Variants in ITPR3 observed in about 807,000 individuals in gnomAD.
ITPR3 encodes the protein inositol 1,4,5-trisphosphate-gated calcium channel ITPR3.
ITPR3 carries 173 observed loss-of-function variants against 293.2 expected under a neutral mutation model. That is an observed-to-expected ratio of 0.59 (90% CI 0.52 to 0.67). The LOEUF is 0.67. ITPR3 is among the 30% of genes least tolerant of loss of function. ITPR3 has a pLI of 0.00. For synonymous variants in ITPR3, 1,295 were observed against 1,444.4 expected (o/e 0.90, Z 2.35); for missense variants, 2,796 against 3,592.1 (o/e 0.78, Z 5.66).
rs750822024 is a variant in ITPR3, at chr6:33,688,249, A to C, written c.6386A>C (p.Gln2129Pro). The change falls in exon 48 of 58, where the codon CAG becomes CCG. Residue 2129 changes from glutamine to proline, a missense_variant. Around this residue, in one of 8 missense-constraint regions of ITPR3, gnomAD observed 568 missense variants for 796.1 expected, o/e 0.71. Coordinates refer to ENST00000605930, the MANE Select transcript of ITPR3 (RefSeq NM_002224.4). ...GCTGTGTGTGCTCAGATTGTGCGGCAGGACCGCAGCATGGAGCAGATCGTG... is the reference window on the plus strand; with the variant it reads ...GCTGTGTGTGCTCAGATTGTGCGGCCGGACCGCAGCATGGAGCAGATCGTG... The part of the protein sequence containing the change: ...NHTSQIEIVR[Q>P]DRSMEQIVFP... The C allele has an allele frequency of 6.2e-7, 1 of 1,614,190 alleles. No individual in the cohort carries two copies. The highest frequency in any genetic ancestry group is 1.1e-5 in the South Asian group (1 of 91,084).
At chr6:33,636,663 C>T (rs897657364) in intron 1 of ITPR3, among the ~76,000 whole-genome samples, 1 of 151,728 alleles carries the variant, frequency 6.6e-6, no homozygotes, top group Non-Finnish European at 1.5e-5. Context: ...AGGCCAGGAG[C>T]TCAGCTTGCA....
At position 33,683,308 on chromosome 6, in the gene ITPR3, T is replaced by C; in HGVS notation, c.4699T>C (p.Ser1567Pro). Residue 1567 changes from serine (S) to proline (P), a missense_variant, in exon 35 of 58, where the codon TCC (serine) becomes CCC (proline). Physicochemically the swap from Ser to Pro is moderately conservative, Grantham distance 74. Transcript: ENST00000605930. This position sits in a 1 kb window ranked among gnomAD's most constrained non-coding sequence, Gnocchi z 4.5. ...TGCAGCTGCCGCCCAGCGGAACGCC[T>C]CCAGCTACAAGGCAACCACGCGGGC... is the stretch of plus-strand genomic sequence containing the variant. ...SCAAAAQRNA[S>P]SYKATTRAFP... 6.3e-7 allele frequency: 1 copy of C among 1,587,546 alleles called. No individual in the cohort carries two copies. The highest frequency in any genetic ancestry group is 8.6e-7 in the Non-Finnish European group (1 of 1,167,558).
rs1582126022 is a variant in ITPR3, at chr6:33,658,147, G to A, written c.369+129G>A. On this transcript the variant is annotated intron_variant, in intron 4 of 57. Transcript: ENST00000605930. This position sits in a 1 kb window ranked among gnomAD's most constrained non-coding sequence, Gnocchi z 6.1. ...TGTCCCCGGGTGAATGAGTGGCCCTGGGGCCACCTGTGTGGCTGTGCGTCT... is the reference window on the plus strand; with the variant it reads ...TGTCCCCGGGTGAATGAGTGGCCCTAGGGCCACCTGTGTGGCTGTGCGTCT... 1.3e-6 allele frequency: 1 copy of A among 756,772 alleles called. No individual in the cohort carries two copies. Among genetic ancestry groups the A allele is most frequent in the Non-Finnish European group, 2.3e-6 (1 of 438,266 alleles). 46.9% of individuals were successfully genotyped at this position (756,772 alleles called of 1,614,324 possible).
In ITPR3 at chr6:33,668,432, T is replaced by TGGGGAA. The variant is rs1764670777; in HGVS notation, c.1887-73_1887-68dup. The TGGGGAA allele has an allele frequency of 2.5e-6, 4 of 1,578,844 alleles. No homozygotes were observed. In the East Asian group the frequency reaches 9.0e-5, roughly 36 times the overall value. The stretch of plus-strand genomic sequence containing the variant: ...GTTCCAGGGTGGCGGTGCTGCCAGC[T>TGGGGAA]GGGGAAGGGGAAGGGTGGGCTCTGT... On this transcript the variant is annotated intron_variant, in intron 16 of 57. Coordinates refer to ENST00000605930, the MANE Select transcript of ITPR3 (RefSeq NM_002224.4).
At position 33,676,867 on chromosome 6, in the gene ITPR3, G is replaced by A. The variant is rs759023825; in HGVS notation, c.3382G>A (p.Val1128Met). ...RTMVEKSELW[V>M]DKKGSGKGEE... ...CATGGTGGAGAAGTCAGAGCTGTGGGTGGACAAGAAGGGCAGTGGCAAGGG... is the reference window on the plus strand; with the variant it reads ...CATGGTGGAGAAGTCAGAGCTGTGGATGGACAAGAAGGGCAGTGGCAAGGG... Residue 1128 changes from valine (V) to methionine (M), a missense_variant, in exon 26 of 58, where the codon GTG becomes ATG. Val to Met is a conservative substitution (Grantham distance 21). This residue lies in a region of ITPR3 where 6 missense variants were observed against 24.4 expected (regional missense o/e 0.25). Coordinates refer to ENST00000605930, the MANE Select transcript of ITPR3 (RefSeq NM_002224.4). 20 of 1,614,018 alleles carry A rather than the reference G, an allele frequency of 1.2e-5. No homozygotes were observed. Among genetic ancestry groups the A allele is most frequent in the Middle Eastern group, 1.6e-4 (1 of 6,084 alleles).
chr6:33,673,357 A>G (rs1295653392), intron 22 of ITPR3, among the ~76,000 whole-genome samples: 1 of 152,134 alleles, frequency 6.6e-6, no homozygotes, highest in East Asian at 1.9e-4. Context: ...CTCATACTCC[A>G]TCACTGGGGC....
rs1763430713 is a variant in ITPR3, at chr6:33,621,371, G to A, written c.-232G>A. On this transcript the variant is annotated 5_prime_UTR_variant, in exon 1 of 58. Transcript: ENST00000605930. The surrounding 1 kb of genome is among the most constrained non-coding windows in gnomAD (Gnocchi z 7.7). Reference sequence around the variant, plus strand: ...CAGGTACGCGCGGGCCGGGCGGGGCGGGCGGGCGGCGGGCGCGCCAAGACG... The same window carrying A: ...CAGGTACGCGCGGGCCGGGCGGGGCAGGCGGGCGGCGGGCGCGCCAAGACG... The A allele has an allele frequency of 3.2e-5, 8 of 252,594 alleles. No individual in the cohort carries two copies. In the South Asian group the frequency reaches 1.2e-3, roughly 39 times the overall value. The allele number at this position is 252,594 out of a possible 1,614,324, so 15.6% of individuals were successfully genotyped here. A position where few individuals can be genotyped will look rare whatever the true frequency, so the allele number is the denominator to read the frequency against.
At chr6:33,680,265 T>C in intron 31 of ITPR3, 64 bp from the exon 32 acceptor site, 2 of 1,578,558 alleles carry the variant, frequency 1.3e-6, no homozygotes, top group Middle Eastern at 1.8e-4. Context: ...ACAGGAGCAT[T>C]GTGGCAGGGA....
chr6:33,654,972 C>T lies in ITPR3; in HGVS notation c.161-794C>T, dbSNP rs920899841. On this transcript the variant is annotated intron_variant, in intron 2 of 57. Coordinates refer to ENST00000605930, the MANE Select transcript of ITPR3 (RefSeq NM_002224.4). The surrounding 1 kb of genome is among the most constrained non-coding windows in gnomAD (Gnocchi z 4.1). ...CCTTTGGATAAGCAGAAAAATTGGACACCCTTCCTGCAGCTTAGGCTTATG... is the reference window on the plus strand; with the variant it reads ...CCTTTGGATAAGCAGAAAAATTGGATACCCTTCCTGCAGCTTAGGCTTATG... Among the ~76,000 whole-genome samples, 1 of 152,248 alleles carries T rather than the reference C, an allele frequency of 6.6e-6. No homozygotes were observed. The highest frequency in any genetic ancestry group is 2.4e-5 in the African/African-American group (1 of 41,466).
At chr6:33,662,773 C>T in intron 8 of ITPR3, 99 bp downstream of exon 8, 1 of 1,506,142 alleles carries the variant, frequency 6.6e-7, no homozygotes, top group Admixed American at 1.9e-5. Flanking sequence ...ACCCCTACCT[C>T]CCTCTGAGTC....
chr6:33,664,353 G>A lies in ITPR3; in HGVS notation c.1148+473G>A, dbSNP rs1357726224. Among the ~76,000 whole-genome samples, 2 of 152,128 alleles carry A rather than the reference G, an allele frequency of 1.3e-5. No homozygotes were observed. Among genetic ancestry groups the A allele is most frequent in the Non-Finnish European group, 2.9e-5 (2 of 68,024 alleles). Reference sequence around the variant, plus strand: ...GAACATCAAGTTTCCCTGTCAACAGGGCTAATGGGAGAGTTAATTGAGTCA... The same window carrying A: ...GAACATCAAGTTTCCCTGTCAACAGAGCTAATGGGAGAGTTAATTGAGTCA... On this transcript the variant is annotated intron_variant, in intron 11 of 57. Coordinates refer to ENST00000605930, the MANE Select transcript of ITPR3 (RefSeq NM_002224.4). This position sits in a 1 kb window ranked among gnomAD's most constrained non-coding sequence, Gnocchi z 4.4.
At position 33,659,027 on chromosome 6, in the gene ITPR3, G is replaced by A. The variant is rs768423149; in HGVS notation, c.535G>A (p.Val179Met). 1.2e-5 allele frequency: 19 copies of A among 1,614,002 alleles called. No homozygotes were observed. Among genetic ancestry groups the A allele is most frequent in the Admixed American group, 1.2e-4 (7 of 59,996 alleles). Residue 179 changes from valine to methionine, a missense_variant, in exon 6 of 58, where the codon GTG becomes ATG. Physicochemically the swap from Val to Met is conservative, Grantham distance 21. This residue lies in a region of ITPR3 where 144 missense variants were observed against 230.8 expected (regional missense o/e 0.62). Transcript: ENST00000605930. ...KLRSNGDNVV[V>M]GDKVILNPVN... ...GTCCCACCTGTCTGCTCAGGTGGTC[G>A]TGGGGGACAAGGTGATCCTGAATCC...
intron 33 of ITPR3, 38 bp downstream of exon 33, chr6:33,680,718 G>C: frequency 1.3e-6 from 2 of 1,586,272 alleles, no homozygotes; most frequent in African/African-American, 1.3e-5. Flanking sequence ...GGGCCGACTT[G>C]CCTAGCTTTT....
At chr6:33,659,658 C>T in intron 7 of ITPR3, 109 bp downstream of exon 7, 3 of 872,204 alleles carry the variant, frequency 3.4e-6, no homozygotes, top group Non-Finnish European at 5.6e-6. Flanking sequence ...ACCCTCTCCC[C>T]AGCTTTGCAC....
In ITPR3 at chr6:33,633,901, C is replaced by G. The variant is rs1038243097; in HGVS notation, c.90-6583C>G. ...GCCAGACCTACGCTCTCCGGAGCCG[C>G]GCGGACCCAGAACCGCTCCCACCAC... is the stretch of plus-strand genomic sequence containing the variant. On this transcript the variant is annotated intron_variant, in intron 1 of 57. Coordinates refer to ENST00000605930, the MANE Select transcript of ITPR3 (RefSeq NM_002224.4). This position sits in a 1 kb window ranked among gnomAD's most constrained non-coding sequence, Gnocchi z 5.2. Among the ~76,000 whole-genome samples, 1 of 151,330 alleles carries G rather than the reference C, an allele frequency of 6.6e-6. No homozygotes were observed. Among genetic ancestry groups the G allele is most frequent in the African/African-American group, 2.4e-5 (1 of 41,310 alleles).
intron 33 of ITPR3, among the ~76,000 whole-genome samples, chr6:33,681,160 C>T (rs952055045): frequency 2.6e-5 from 4 of 152,218 alleles, no homozygotes; most frequent in Non-Finnish European, 5.9e-5. Context: ...AAATTATCCC[C>T]AAACCTAGCA....
At chr6:33,694,688 C>A in intron 56 of ITPR3, 1 of 543,684 alleles carries the variant, frequency 1.8e-6, no homozygotes, top group African/African-American at 1.9e-5. Flanking sequence ...CAGCTGCCGA[C>A]GCTGCCTAAC....
Position 33,668,628 on chromosome 6 carries a change from G to A in ITPR3, c.2000G>A (p.Arg667Gln), listed in dbSNP as rs11963294. Residue 667 changes from arginine to glutamine, a missense_variant, in exon 17 of 58, where the codon CGG becomes CAG. Arg to Gln is a conservative substitution (Grantham distance 43). Transcript: ENST00000605930. ...LDPKNSDILI[R>Q]TELRPVKEMA... ...CCCAAGAACAGTGACATTCTCATCC[G>A]GACCGAGTGAGCCCTGTGCCCCCTG... The A allele has an allele frequency of 1.7e-5, 27 of 1,614,054 alleles. No individual in the cohort carries two copies. Among genetic ancestry groups the A allele is most frequent in the Admixed American group, 1.0e-4 (6 of 59,996 alleles).
Position 33,692,334 on chromosome 6 carries a change from A to T in ITPR3, c.7459-394A>T, listed in dbSNP as rs953510671. On this transcript the variant is annotated intron_variant, in intron 54 of 57. Coordinates refer to ENST00000605930, the MANE Select transcript of ITPR3 (RefSeq NM_002224.4). This position sits in a 1 kb window ranked among gnomAD's most constrained non-coding sequence, Gnocchi z 4.2. ...AGTGAGAGGCCGCCTCCCTGGCCAG[A>T]CAGAGGGTTTCTGGAATGTGTGAGG... 1.3e-5 allele frequency among the ~76,000 whole-genome samples: 2 copies of T among 152,070 alleles called. No individual in the cohort carries two copies. The highest frequency in any genetic ancestry group is 2.9e-5 in the Non-Finnish European group (2 of 67,992).
Sources: allele counts gnomAD v4.1 joint callset (sites outside exome capture counted in the v4.1 genomes callset), GRCh38; gene constraint gnomAD v4.1.1; regional missense constraint gnomAD v4.1.1; non-coding constraint Gnocchi (gnomAD v3.1); transcripts MANE v1.5; gene names NCBI Gene and HGNC (gene_info 2026-07-23, HGNC 2026-07-21).